Variants in VAMP4 observed in about 807,000 individuals in gnomAD.
VAMP4 encodes the protein vesicle-associated membrane protein 4.
VAMP4 carries 19 observed loss-of-function variants against 23.5 expected under a neutral mutation model. The observed-to-expected ratio is 0.81, with a 90% confidence interval of 0.56 to 1.19. The LOEUF (loss-of-function observed/expected upper bound fraction) is 1.19, where lower values mean the gene tolerates loss of function less well. Among genes scored for constraint, VAMP4 ranks in the 50% most tolerant of loss-of-function variants. The probability of loss-of-function intolerance (pLI) is 0.00; values close to 1 mark genes in which losing one functional copy is unlikely to be tolerated. For synonymous variants in VAMP4, 31 were observed against 51.0 expected (o/e 0.61, Z 1.67); for missense variants, 145 against 168.6 (o/e 0.86, Z 0.78).
rs1308484453 is a variant in VAMP4 at position 171,706,352 on chromosome 1, C to A, written c.397+15G>T. The A allele has an allele frequency of 6.3e-7, 1 of 1,597,944 alleles. No individual in the cohort carries two copies. The highest frequency in any genetic ancestry group is 1.1e-5 in the South Asian group (1 of 88,104). On this transcript the variant is annotated intron_variant, in intron 7 of 7. Coordinates refer to ENST00000236192, the MANE Select transcript of VAMP4 (RefSeq NM_003762.5). Reference sequence around the variant, plus strand: ...AAATGATACCCTAGGAAGTAATAATCCAATAAATACTTACTGATAATCACT... The same window carrying A: ...AAATGATACCCTAGGAAGTAATAATACAATAAATACTTACTGATAATCACT...
chr1:171,701,646 A>G lies in VAMP4; in HGVS notation c.*2860T>C, dbSNP rs1009092707. 6.6e-6 allele frequency: 1 copy of G among 152,222 alleles called. No individual in the cohort carries two copies. Among genetic ancestry groups the G allele is most frequent in the Non-Finnish European group, 1.5e-5 (1 of 68,016 alleles). The allele number at this position is 152,222 out of a possible 1,614,324, so 9.4% of individuals were successfully genotyped here. ...AGAAAGACTACAATAGGCAATCTAT[A>G]GCAGGGCTAACAAAGTATTTCTATA... On this transcript the variant is annotated 3_prime_UTR_variant, in exon 8 of 8. Transcript: ENST00000236192.
rs938220545 is a variant in VAMP4, at chr1:171,703,374, C to T, written c.*1132G>A. On this transcript the variant is annotated 3_prime_UTR_variant, in exon 8 of 8. Transcript: ENST00000236192. Reference sequence around the variant, plus strand: ...TCTCTAGCATTTGGTTACCGACTGACTGATTATCATATGTGTGCGTGTGTG... The same window carrying T: ...TCTCTAGCATTTGGTTACCGACTGATTGATTATCATATGTGTGCGTGTGTG... The T allele has an allele frequency of 4.2e-5, 6 of 141,706 alleles. No homozygotes were observed. The highest frequency in any genetic ancestry group is 2.1e-4 in the East Asian group (1 of 4,780). The allele number at this position is 141,706 out of a possible 1,614,324, so 8.8% of individuals were successfully genotyped here. A position where few individuals can be genotyped will look rare whatever the true frequency, so the allele number is the denominator to read the frequency against.
chr1:171,740,010 C>T (rs1272798006), intron 1 of VAMP4, among the ~76,000 whole-genome samples: 1 of 152,150 alleles, frequency 6.6e-6, no homozygotes, highest in African/African-American at 2.4e-5. Flanking sequence ...CTCAGAAATA[C>T]TGAATGTTTT....
At chr1:171,736,479 T>C (rs530615802) in intron 2 of VAMP4, among the ~76,000 whole-genome samples, 2 of 152,238 alleles carry the variant, frequency 1.3e-5, no homozygotes, top group South Asian at 2.1e-4. Flanking sequence ...GAGGAAAAGA[T>C]AGGTGACCAA....
chr1:171,719,519 T>C (rs1655122035), intron 3 of VAMP4, among the ~76,000 whole-genome samples: 1 of 152,116 alleles, frequency 6.6e-6, no homozygotes, highest in Non-Finnish European at 1.5e-5. Context: ...ACAGAATTTG[T>C]TCTGATCATT....
chr1:171,701,753 C>A lies in VAMP4; in HGVS notation c.*2753G>T, dbSNP rs1202692461. ...TGAACTTTTATCTAATTAAGAAATC[C>A]CCCAGTTTATAAAATCTGAGGGCAA... On this transcript the variant is annotated 3_prime_UTR_variant, in exon 8 of 8. Coordinates refer to ENST00000236192, the MANE Select transcript of VAMP4 (RefSeq NM_003762.5). 1.3e-5 allele frequency: 2 copies of A among 151,970 alleles called. No individual in the cohort carries two copies. Among genetic ancestry groups the A allele is most frequent in the Admixed American group, 1.3e-4 (2 of 15,254 alleles). The allele number at this position is 151,970 out of a possible 1,614,324, so 9.4% of individuals were successfully genotyped here.
At chr1:171,707,401 C>T (rs577140150) in intron 6 of VAMP4, among the ~76,000 whole-genome samples, 1 of 152,276 alleles carries the variant, frequency 6.6e-6, no homozygotes, top group South Asian at 2.1e-4. Flanking sequence ...TCCACCAACA[C>T]CCTTAACAAG....
chr1:171,709,789 G>A (rs944973939), intron 5 of VAMP4, 45 bp from the exon 6 acceptor site: 3 of 1,459,302 alleles, frequency 2.1e-6, no homozygotes, highest in African/African-American at 1.4e-5. Flanking sequence ...CGACATAACA[G>A]GATTCTTTTA....
intron 3 of VAMP4, among the ~76,000 whole-genome samples, chr1:171,725,458 A>T (rs1045416585): frequency 6.6e-6 from 1 of 152,092 alleles, no homozygotes; most frequent in South Asian, 2.1e-4. Flanking sequence ...ATCAGCAAAC[A>T]ATTAAAAAAA....
chr1:171,740,024 A>G (rs1655877368), intron 1 of VAMP4, among the ~76,000 whole-genome samples: 1 of 152,240 alleles, frequency 6.6e-6, no homozygotes, highest in Non-Finnish European at 1.5e-5. Context: ...ATGTTTTACT[A>G]TGTGCTAGGC....
intron 4 of VAMP4, among the ~76,000 whole-genome samples, 153 bp downstream of exon 4, chr1:171,719,018 G>A (rs527469222): frequency 4.6e-5 from 7 of 152,166 alleles, no homozygotes; most frequent in African/African-American, 9.6e-5. Context: ...AGTACCTATC[G>A]ATAATATGAA....
intron 2 of VAMP4, among the ~76,000 whole-genome samples, chr1:171,735,756 A>G (rs1655720618): frequency 6.6e-6 from 1 of 152,246 alleles, no homozygotes; most frequent in Non-Finnish European, 1.5e-5. Flanking sequence ...TACTGGATGC[A>G]TATCAAGTCT....
Position 171,710,764 on chromosome 1 carries a change from G to A in VAMP4, c.215C>T (p.Thr72Ile), listed in dbSNP as rs1654823545. 1.2e-6 allele frequency: 2 copies of A among 1,609,820 alleles called. No homozygotes were observed. The highest frequency in any genetic ancestry group is 1.7e-6 in the Non-Finnish European group (2 of 1,178,036). ...TCTCTCCCCTCTCTCAATTACCTTT[G>A]TAATATTTTCTTGCATGACATCAAT... ...EVIDVMQENI[T>I]KVIERGERLD... Residue 72 changes from threonine (T) to isoleucine (I), a missense_variant, in exon 5 of 8, where the codon ACA becomes ATA. Transcript: ENST00000236192.
intron 5 of VAMP4, among the ~76,000 whole-genome samples, chr1:171,710,027 A>G (rs982856010): frequency 1.3e-5 from 2 of 152,156 alleles, no homozygotes; most frequent in Non-Finnish European, 2.9e-5. Flanking sequence ...CTTATAAATA[A>G]ACTTAGGAAA....
At chr1:171,734,371 T>A (rs963209775) in intron 2 of VAMP4, among the ~76,000 whole-genome samples, 2 of 151,832 alleles carry the variant, frequency 1.3e-5, no homozygotes, top group Non-Finnish European at 2.9e-5. Context: ...AAAGGCTATA[T>A]GTTATATGAT....
At chr1:171,709,816 T>C (rs1288214107) in intron 5 of VAMP4, 72 bp from the exon 6 acceptor site, 5 of 1,200,502 alleles carry the variant, frequency 4.2e-6, no homozygotes, top group Non-Finnish European at 6.1e-6. Flanking sequence ...CACACAAAGA[T>C]AAGAAAATAT....
chr1:171,715,627 C>CTAAGTGTTATT (rs1211837010), intron 4 of VAMP4, among the ~76,000 whole-genome samples: 4 of 152,254 alleles, frequency 2.6e-5, no homozygotes, highest in South Asian at 4.1e-4. Flanking sequence ...TAGCATAGTG[C>CTAAGTGTTATT]CCAACACATA....
chr1:171,734,445 G>C (rs1039199075), intron 2 of VAMP4, among the ~76,000 whole-genome samples: 1 of 152,040 alleles, frequency 6.6e-6, no homozygotes, highest in African/African-American at 2.4e-5. Context: ...AGAGGCTGAG[G>C]GGATAAAGAA....
At chr1:171,729,554 G>C (rs1211578780) in intron 2 of VAMP4, among the ~76,000 whole-genome samples, 1 of 152,128 alleles carries the variant, frequency 6.6e-6, no homozygotes, top group Non-Finnish European at 1.5e-5. Context: ...TTTCAGATTT[G>C]GGAGCATTTT....
Sources: gnomAD v4.1 joint callset for allele counts (sites outside exome capture counted in the v4.1 genomes callset) on GRCh38, gnomAD v4.1.1 for gene constraint, MANE v1.5 for transcripts, NCBI Gene and HGNC (gene_info 2026-07-23, HGNC 2026-07-21) for gene names.